Variants in GDI2 observed in about 807,000 individuals in gnomAD.
The protein encoded by GDI2 is rab GDP dissociation inhibitor beta.
A neutral mutation model predicts 54.2 loss-of-function variants in GDI2; 22 were observed. That is an observed-to-expected ratio of 0.41 (90% confidence interval 0.29 to 0.58). The LOEUF (loss-of-function observed/expected upper bound fraction) is 0.58. Ranked by LOEUF, GDI2 falls within the 20% of genes least tolerant of loss-of-function variation. GDI2 has a pLI of 0.35. For missense variants in GDI2, 422 were observed against 546.0 expected (o/e 0.77, Z 2.26); for synonymous variants, 177 against 182.1 (o/e 0.97, Z 0.23).
In GDI2 at chr10:5,774,797, T is replaced by C. The variant is rs527781546; in HGVS notation, c.720-856A>G. Among the ~76,000 whole-genome samples the C allele has an allele frequency of 6.6e-6, 1 of 152,248 alleles. No homozygotes were observed. Among genetic ancestry groups the C allele is most frequent in the South Asian group, 2.1e-4 (1 of 4,814 alleles). Reference sequence around the variant, plus strand: ...CCCCACACTGTCTATTCTCCTGTTTTTCCTTGTGTGTGTGTTCTAAAATGG... The same window carrying C: ...CCCCACACTGTCTATTCTCCTGTTTCTCCTTGTGTGTGTGTTCTAAAATGG... On this transcript the variant is annotated intron_variant, in intron 6 of 10. Coordinates refer to ENST00000380191, the MANE Select transcript of GDI2 (RefSeq NM_001494.4). This position sits in a 1 kb window ranked among gnomAD's most constrained non-coding sequence, Gnocchi z 4.8.
At chr10:5,796,913 A>C (rs1230355115) in intron 2 of GDI2, 51 bp from the exon 3 acceptor site, 2 of 863,232 alleles carry the variant, frequency 2.3e-6, no homozygotes, top group Non-Finnish European at 3.9e-6. Flanking sequence ...TTAATTTTTT[A>C]TTACAATATG....
rs752869609 is a variant in GDI2, at chr10:5,776,467, G to C, written c.720-2526C>G. ...CTACTATTTTTACTTTAGCAAAAGA[G>C]TGAGCCAGCAGAGCCATGTATTAGA... On this transcript the variant is annotated intron_variant, in intron 6 of 10. Transcript: ENST00000380191. This position sits in a 1 kb window ranked among gnomAD's most constrained non-coding sequence, Gnocchi z 5.3. 5 of 953,214 alleles carry C rather than the reference G, an allele frequency of 5.2e-6. No individual in the cohort carries two copies. The highest frequency in any genetic ancestry group is 8.6e-6 in the Non-Finnish European group (5 of 581,270). 59.0% of individuals were successfully genotyped at this position (953,214 alleles called of 1,614,324 possible). A position where few individuals can be genotyped will look rare whatever the true frequency, so the allele number is the denominator to read the frequency against.
intron 6 of GDI2, among the ~76,000 whole-genome samples, chr10:5,778,115 T>A (rs766259483): frequency 3.3e-5 from 5 of 152,036 alleles, no homozygotes; most frequent in Non-Finnish European, 7.4e-5. Flanking sequence ...GAGAGGAACA[T>A]CACACACCGG....
At chr10:5,806,405 T>TAA (rs367808153) in intron 1 of GDI2, among the ~76,000 whole-genome samples, 5 of 134,616 alleles carry the variant, frequency 3.7e-5, no homozygotes, top group South Asian at 2.4e-4. Context: ...AAAGAAAATT[T>TAA]AAAAAAAAAA....
At chr10:5,801,119 T>C (rs1314376880) in intron 1 of GDI2, among the ~76,000 whole-genome samples, 2 of 151,828 alleles carry the variant, frequency 1.3e-5, no homozygotes, top group Non-Finnish European at 2.9e-5. Flanking sequence ...ACCCGGCTAA[T>C]TTTTTGTATT....
rs202121128 is a variant in GDI2, at chr10:5,794,935, C to T, written c.338G>A (p.Gly113Asp). ...GGAAGGAACCTTGTAGATTTTTCCA[C>T]CCTTATAGACAAAGCTCCCTTCAGT... is the stretch of plus-strand genomic sequence containing the variant. ...KVTEGSFVYK[G>D]GKIYKVPSTE... Residue 113 changes from glycine (G) to aspartate (D), a missense_variant, in exon 4 of 11, where the codon GGT (glycine) becomes GAT (aspartate). Physicochemically the swap from Gly to Asp is moderately conservative, Grantham distance 94. Coordinates refer to ENST00000380191, the MANE Select transcript of GDI2 (RefSeq NM_001494.4). 3 of 1,603,598 alleles carry T rather than the reference C, an allele frequency of 1.9e-6. No homozygotes were observed. The Admixed American group carries it at 5.0e-5, about 27-fold the overall frequency.
At chr10:5,780,376 C>T (rs1013654556) in intron 6 of GDI2, among the ~76,000 whole-genome samples, 1 of 150,226 alleles carries the variant, frequency 6.7e-6, no homozygotes, top group Non-Finnish European at 1.5e-5. Flanking sequence ...AAAGCAAGGA[C>T]GTCCATTCTC....
intron 7 of GDI2, among the ~76,000 whole-genome samples, chr10:5,770,963 C>CAAAAAAAAA (rs59686031): frequency 4.3e-5 from 2 of 46,394 alleles, no homozygotes; most frequent in East Asian, 1.7e-3. Flanking sequence ...GAGACTGTCT[C>CAAAAAAAAA]AAAAAAAAAA....
chr10:5,781,435 G>A (rs985280548), intron 6 of GDI2, among the ~76,000 whole-genome samples: 2 of 150,686 alleles, frequency 1.3e-5, no homozygotes, highest in East Asian at 2.0e-4. Flanking sequence ...ACACCATCCC[G>A]GCTAACAGTG....
At chr10:5,805,759 A>G (rs1841365046) in intron 1 of GDI2, among the ~76,000 whole-genome samples, 1 of 152,202 alleles carries the variant, frequency 6.6e-6, no homozygotes, top group Non-Finnish European at 1.5e-5. Context: ...AAATTTTATT[A>G]TATATAAGAA....
intron 7 of GDI2, among the ~76,000 whole-genome samples, chr10:5,773,153 G>A (rs557736800): frequency 1.2e-4 from 18 of 151,836 alleles, no homozygotes; most frequent in African/African-American, 1.9e-4. Context: ...AACTGAAGAT[G>A]CCCCCCACCC....
chr10:5,795,686 T>G (rs914109808), intron 3 of GDI2, among the ~76,000 whole-genome samples: 5 of 152,110 alleles, frequency 3.3e-5, no homozygotes, highest in African/African-American at 1.2e-4. Context: ...TCCCAGCACT[T>G]TGGGAGGCCA....
intron 4 of GDI2, among the ~76,000 whole-genome samples, chr10:5,793,823 G>C (rs562386835): frequency 1.3e-5 from 2 of 152,164 alleles, no homozygotes; most frequent in Admixed American, 6.6e-5. Flanking sequence ...ATGTTAACCA[G>C]AACTCTTTGG....
intron 1 of GDI2, among the ~76,000 whole-genome samples, chr10:5,804,337 G>A (rs1276594632): frequency 1.3e-5 from 2 of 152,070 alleles, no homozygotes; most frequent in East Asian, 3.9e-4. Context: ...CAAGTGATCT[G>A]CCCACCTTGG....
At chr10:5,780,575 T>C (rs188823992) in intron 6 of GDI2, among the ~76,000 whole-genome samples, 1 of 152,316 alleles carries the variant, frequency 6.6e-6, no homozygotes, top group Non-Finnish European at 1.5e-5. Flanking sequence ...TACAAGATCA[T>C]AGGATACAAC....
In GDI2 at chr10:5,776,646, T is replaced by G. The variant is rs1395265940; in HGVS notation, c.720-2705A>C. ...CTAAATGGTCCAATAGAAAAGGAGC[T>G]GGATGTAGATGCTGATTTTGTAGAA... On this transcript the variant is annotated intron_variant, in intron 6 of 10. Coordinates refer to ENST00000380191, the MANE Select transcript of GDI2 (RefSeq NM_001494.4). The surrounding 1 kb of genome is among the most constrained non-coding windows in gnomAD (Gnocchi z 5.3). 1.4e-6 allele frequency: 2 copies of G among 1,476,178 alleles called. No individual in the cohort carries two copies. The highest frequency in any genetic ancestry group is 2.8e-5 in the African/African-American group (2 of 71,796). The allele number at this position is 1,476,178 out of a possible 1,614,324, so 91.4% of individuals were successfully genotyped here. A position where few individuals can be genotyped will look rare whatever the true frequency, so the allele number is the denominator to read the frequency against.
intron 1 of GDI2, among the ~76,000 whole-genome samples, chr10:5,808,920 T>C (rs1841432933): frequency 6.6e-6 from 1 of 152,062 alleles, no homozygotes; most frequent in Non-Finnish European, 1.5e-5. Flanking sequence ...GAATGTTTCT[T>C]TAAATGACTC....
Position 5,765,721 on chromosome 10 carries a change from T to A in GDI2, c.*285A>T. On this transcript the variant is annotated 3_prime_UTR_variant, in exon 11 of 11. Transcript: ENST00000380191. Reference sequence around the variant, plus strand: ...ACTGATTAAAAGATTAAAAAAACTGTCTCAAGTTGTCTGTGTCGGTATCCC... The same window carrying A: ...ACTGATTAAAAGATTAAAAAAACTGACTCAAGTTGTCTGTGTCGGTATCCC... The A allele has an allele frequency of 3.0e-6, 1 of 333,790 alleles. No individual in the cohort carries two copies. The highest frequency in any genetic ancestry group is 5.4e-6 in the Non-Finnish European group (1 of 185,328). The allele number at this position is 333,790 out of a possible 1,614,324, so 20.7% of individuals were successfully genotyped here.
intron 1 of GDI2, among the ~76,000 whole-genome samples, chr10:5,809,015 C>T (rs932369889): frequency 2.0e-5 from 3 of 152,036 alleles, no homozygotes; most frequent in African/African-American, 7.2e-5. Context: ...GAGGCCTAGG[C>T]GGGTGGATCA....
Sources: allele counts gnomAD v4.1 joint callset (sites outside exome capture counted in the v4.1 genomes callset), GRCh38; gene constraint gnomAD v4.1.1; non-coding constraint Gnocchi (gnomAD v3.1); transcripts MANE v1.5; gene names NCBI Gene and HGNC (gene_info 2026-07-23, HGNC 2026-07-21).